Variants in SRBD1 observed in about 807,000 individuals in gnomAD.
The protein encoded by SRBD1 is S1 RNA-binding domain-containing protein 1.
SRBD1 carries 88 observed loss-of-function variants against 115.3 expected under a neutral mutation model. That is an observed-to-expected ratio of 0.76 (90% CI 0.64 to 0.91). The LOEUF (loss-of-function observed/expected upper bound fraction) is 0.91. Ranked by LOEUF, SRBD1 falls within the 40% of genes least tolerant of loss-of-function variation. SRBD1 has a pLI of 0.00. For missense variants in SRBD1, 1,385 were observed against 1,177.4 expected (o/e 1.18, Z -2.58); for synonymous variants, 509 against 407.7 (o/e 1.25, Z -2.99).
intron 3 of SRBD1, among the ~76,000 whole-genome samples, chr2:45,601,634 C>T (rs1288107098): frequency 6.6e-6 from 1 of 152,230 alleles, no homozygotes; most frequent in African/African-American, 2.4e-5. Flanking sequence ...ATGTTGAGCA[C>T]ATTGCCTGGC....
chr2:45,610,100 G>C (rs1041149527), intron 1 of SRBD1, among the ~76,000 whole-genome samples: 2 of 152,122 alleles, frequency 1.3e-5, no homozygotes, highest in Non-Finnish European at 2.9e-5. Context: ...CAGTGACTTG[G>C]GATTTTTCCC....
intron 14 of SRBD1, among the ~76,000 whole-genome samples, chr2:45,542,448 C>G (rs1181612309): frequency 6.6e-6 from 1 of 152,162 alleles, no homozygotes. Context: ...CTCCTCTGCC[C>G]CACTAACCTG....
intron 16 of SRBD1, among the ~76,000 whole-genome samples, chr2:45,427,494 G>T (rs1227183591): frequency 2.6e-5 from 4 of 152,052 alleles, no homozygotes; most frequent in African/African-American, 9.7e-5. Context: ...TAATAAAACA[G>T]ACTTTAAACC....
intron 9 of SRBD1, among the ~76,000 whole-genome samples, chr2:45,572,667 T>TAAATATAA: frequency 6.6e-6 from 1 of 152,260 alleles, no homozygotes; most frequent in South Asian, 2.1e-4. Context: ...TAAACGCCAG[T>TAAATATAA]GTTACTGTAT....
intron 16 of SRBD1, among the ~76,000 whole-genome samples, chr2:45,459,521 T>C (rs1416800314): frequency 6.6e-6 from 1 of 152,144 alleles, no homozygotes; most frequent in Admixed American, 6.5e-5. Flanking sequence ...AATTAAATGA[T>C]TCAGTGAATA....
intron 4 of SRBD1, among the ~76,000 whole-genome samples, chr2:45,594,295 T>C (rs1033155754): frequency 6.6e-6 from 1 of 152,120 alleles, no homozygotes; most frequent in African/African-American, 2.4e-5. Context: ...GGAAAACAGC[T>C]AATAAAAAAG....
intron 18 of SRBD1, among the ~76,000 whole-genome samples, chr2:45,415,927 C>T (rs1236566386): frequency 1.3e-5 from 2 of 151,836 alleles, no homozygotes; most frequent in Non-Finnish European, 2.9e-5. Flanking sequence ...AGGACAGACA[C>T]CTATTAACTC....
chr2:45,470,774 G>A (rs1391533769), intron 16 of SRBD1, among the ~76,000 whole-genome samples: 1 of 152,030 alleles, frequency 6.6e-6, no homozygotes, highest in Non-Finnish European at 1.5e-5. Flanking sequence ...AAAGTCTTTA[G>A]GGGTCAGTTA....
At chr2:45,477,198 A>G (rs1310907233) in intron 15 of SRBD1, 123 bp from the exon 16 acceptor site, 1 of 685,120 alleles carries the variant, frequency 1.5e-6, no homozygotes, top group Non-Finnish European at 2.4e-6. Context: ...TCCCTCTAAA[A>G]AAGGCCAACA....
intron 16 of SRBD1, among the ~76,000 whole-genome samples, chr2:45,445,771 C>T (rs1173962451): frequency 1.3e-5 from 2 of 152,002 alleles, no homozygotes; most frequent in Admixed American, 1.3e-4. Context: ...ACCTATGAAA[C>T]GTTTTCATCT....
chr2:45,438,839 A>AT (rs1371918784), intron 16 of SRBD1, among the ~76,000 whole-genome samples: 1 of 152,138 alleles, frequency 6.6e-6, no homozygotes, highest in Non-Finnish European at 1.5e-5. Flanking sequence ...ACTTTCCCCA[A>AT]TTTTTTCAAA....
At chr2:45,466,472 T>C (rs1669493724) in intron 16 of SRBD1, among the ~76,000 whole-genome samples, 1 of 152,156 alleles carries the variant, frequency 6.6e-6, no homozygotes, top group African/African-American at 2.4e-5. Context: ...AATAACTCTC[T>C]TCCTTAAACA....
chr2:45,429,384 A>G (rs992255464), intron 16 of SRBD1, among the ~76,000 whole-genome samples: 5 of 152,202 alleles, frequency 3.3e-5, no homozygotes, highest in African/African-American at 9.6e-5. Context: ...ACATCGATGC[A>G]AAAATCCTGA....
In SRBD1 at chr2:45,413,110, T is replaced by G. The variant is rs781320808; in HGVS notation, c.2513+4A>C. On this transcript the variant is annotated splice_donor_region_variant and intron_variant, in intron 19 of 20. Transcript: ENST00000263736. ...GAGAATTCCCACATGGGCCTCAGAC[T>G]TACCTCATTGCTATGTCATATGATT... is the stretch of plus-strand genomic sequence containing the variant. 7 of 1,612,628 alleles carry G rather than the reference T, an allele frequency of 4.3e-6. No homozygotes were observed. In the Admixed American group the frequency reaches 1.0e-4, roughly 23 times the overall value.
At chr2:45,511,303 C>T (rs1029468721) in intron 14 of SRBD1, among the ~76,000 whole-genome samples, 1 of 152,212 alleles carries the variant, frequency 6.6e-6, no homozygotes, top group Non-Finnish European at 1.5e-5. Flanking sequence ...TCATTAGCAG[C>T]ATAAATATGC....
In SRBD1 at chr2:45,424,537, A is replaced by T. The variant is rs1012857853; in HGVS notation, c.2050-4643T>A. Among the ~76,000 whole-genome samples, 27 of 152,196 alleles carry T rather than the reference A, an allele frequency of 1.8e-4. No homozygotes were observed. In the East Asian group the frequency reaches 1.9e-3, roughly 11 times the overall value. On this transcript the variant is annotated intron_variant, in intron 16 of 20. Coordinates refer to ENST00000263736, the MANE Select transcript of SRBD1 (RefSeq NM_018079.5). Reference sequence around the variant, plus strand: ...ATACATTAAGTTAAATCTGTTCTAAATTTTTGTATTTAGGTATTAAAAACC... The same window carrying T: ...ATACATTAAGTTAAATCTGTTCTAATTTTTTGTATTTAGGTATTAAAAACC...
At chr2:45,425,965 T>A (rs1332624795) in intron 16 of SRBD1, among the ~76,000 whole-genome samples, 1 of 151,984 alleles carries the variant, frequency 6.6e-6, no homozygotes, top group East Asian at 1.9e-4. Context: ...TTTTTTTTCA[T>A]ACCTCAGTGG....
chr2:45,437,956 T>C (rs1209675240), intron 16 of SRBD1, among the ~76,000 whole-genome samples: 1 of 152,200 alleles, frequency 6.6e-6, no homozygotes, highest in Non-Finnish European at 1.5e-5. Context: ...ATAGTGAATA[T>C]AGGTTATTAT....
Position 45,482,806 on chromosome 2 carries a change from T to A in SRBD1, c.1966+5434A>T, listed in dbSNP as rs181060552. Among the ~76,000 whole-genome samples, 6 of 152,202 alleles carry A rather than the reference T, an allele frequency of 3.9e-5. No homozygotes were observed. In the East Asian group the frequency reaches 1.2e-3, roughly 29 times the overall value. On this transcript the variant is annotated intron_variant, in intron 15 of 20. Coordinates refer to ENST00000263736, the MANE Select transcript of SRBD1 (RefSeq NM_018079.5). ...TGCAGACACCAAAATCTGCGGATGC[T>A]CAAGTCCTTTATATAAAATGGAGTA...
Sources: allele counts gnomAD v4.1 joint callset (sites outside exome capture counted in the v4.1 genomes callset), GRCh38; gene constraint gnomAD v4.1.1; transcripts MANE v1.5; gene names NCBI Gene and HGNC (gene_info 2026-07-23, HGNC 2026-07-21).